Variants in ANKFY1 observed in about 807,000 individuals in gnomAD.
ANKFY1 encodes the protein ankyrin repeat and FYVE domain containing 1, also known as ankyrin repeat and FYVE domain-containing protein 1.
ANKFY1 carries 47 observed loss-of-function variants against 128.3 expected under a neutral mutation model. That is an observed-to-expected ratio of 0.37 (90% CI 0.29 to 0.47). The LOEUF (loss-of-function observed/expected upper bound fraction) is 0.47, where lower values mean the gene tolerates loss of function less well. ANKFY1 is among the 20% of genes least tolerant of loss of function. The probability of loss-of-function intolerance (pLI) is 1.00; values close to 1 mark genes in which losing one functional copy is unlikely to be tolerated. For synonymous variants in ANKFY1, 553 were observed against 601.6 expected, an observed-to-expected ratio of 0.92 and a Z score of 1.18; for missense variants, 1,222 against 1,510.6, an observed-to-expected ratio of 0.81 and a Z score of 3.17.
Position 4,166,866 on chromosome 17 carries a change from G to A in ANKFY1, c.*913C>T, listed in dbSNP as rs566508656. 9 of 152,564 alleles carry A rather than the reference G, an allele frequency of 5.9e-5. No individual in the cohort carries two copies. The highest frequency in any genetic ancestry group is 9.6e-5 in the African/African-American group (4 of 41,584). The allele number at this position is 152,564 out of a possible 1,614,324, so 9.5% of individuals were successfully genotyped here. On this transcript the variant is annotated 3_prime_UTR_variant, in exon 25 of 25. Coordinates refer to ENST00000341657, the MANE Select transcript of ANKFY1 (RefSeq NM_001330063.2). ...CTGTAGAGTTTTTCCTTGGAGATTC[G>A]TGTGAGCTGAGGTCCAGTCAAAGCT...
rs77246175 is a variant in ANKFY1 at position 4,169,467 on chromosome 17, G to C, written c.3287-179C>G. ...GGCCAGCTTCCCAGAGGAGACTGGA[G>C]AATCAGCCCTTGCCCGGGAGACTTG... On this transcript the variant is annotated intron_variant, in intron 23 of 24. Transcript: ENST00000341657. This position sits in a 1 kb window ranked among gnomAD's most constrained non-coding sequence, Gnocchi z 5.0. Among the ~76,000 whole-genome samples the C allele has an allele frequency of 0.057, 8,719 of 152,298 alleles. 373 individuals are homozygous for C. The highest frequency in any genetic ancestry group is 0.12 in the South Asian group (591 of 4,824).
intron 1 of ANKFY1, among the ~76,000 whole-genome samples, chr17:4,251,743 A>C (rs188594259): frequency 6.4e-4 from 98 of 152,224 alleles, no homozygotes; most frequent in Non-Finnish European, 1.0e-3. Context: ...AATATGTGCA[A>C]AACATCCAAC....
At chr17:4,207,153 G>T (rs550103841) in intron 6 of ANKFY1, among the ~76,000 whole-genome samples, 1 of 151,918 alleles carries the variant, frequency 6.6e-6, no homozygotes, top group Non-Finnish European at 1.5e-5. Flanking sequence ...CAGAGGGCCC[G>T]ACCCGTCTAA....
chr17:4,184,692 G>T, intron 12 of ANKFY1, 126 bp downstream of exon 12: 1 of 1,047,826 alleles, frequency 9.5e-7, no homozygotes, highest in Non-Finnish European at 1.4e-6. Context: ...GACCTGAAAG[G>T]ATTTTTTGGG....
At chr17:4,194,901 G>T in intron 10 of ANKFY1, 77 bp downstream of exon 10, 1 of 1,373,730 alleles carries the variant, frequency 7.3e-7, no homozygotes, top group Non-Finnish European at 1.0e-6. Context: ...TTCTAAATTT[G>T]GGGTGAAGGC....
intron 8 of ANKFY1, among the ~76,000 whole-genome samples, chr17:4,196,102 C>A (rs1367891904): frequency 3.2e-5 from 4 of 124,076 alleles, no homozygotes; most frequent in Admixed American, 2.5e-4. Context: ...CACCTCCCCC[C>A]AAAAACACAC....
intron 9 of ANKFY1, 45 bp downstream of exon 9, chr17:4,195,358 C>A (rs1482489855): frequency 6.3e-7 from 1 of 1,577,512 alleles, no homozygotes; most frequent in African/African-American, 1.4e-5. Flanking sequence ...ACTCACAATC[C>A]CCCCTCACAA....
chr17:4,263,660 C>G, intron 1 of ANKFY1: 1 of 1,534,238 alleles, frequency 6.5e-7, no homozygotes, highest in South Asian at 1.2e-5. Flanking sequence ...GGCCCCGCGG[C>G]TGCACGCAGC....
Position 4,182,257 on chromosome 17 carries a change from G to A in ANKFY1, c.2045C>T (p.Ser682Phe). The part of the protein sequence containing the change: ...DAICTRGADM[S>F]VPDEKGNPPL... ...GGGGTTCCCCTTCTCATCTGGCACA[G>A]ACATGTCAGCTCCTCGGGTGCATAT... The change falls in exon 15 of 25, where the codon TCT (serine) becomes TTT (phenylalanine). Residue 682 changes from serine (S) to phenylalanine (F), a missense_variant. Transcript: ENST00000341657. 6.3e-7 allele frequency: 1 copy of A among 1,594,282 alleles called. No homozygotes were observed. The highest frequency in any genetic ancestry group is 1.2e-5 in the South Asian group (1 of 85,744).
rs1455786758 is a variant in ANKFY1 at position 4,208,003 on chromosome 17, G to A, written c.662C>T (p.Pro221Leu). The change falls in exon 6 of 25, where the codon CCG becomes CTG. Residue 221 changes from proline (P) to leucine (L), a missense_variant. Coordinates refer to ENST00000341657, the MANE Select transcript of ANKFY1 (RefSeq NM_001330063.2). ...CTCCACTTTGATGGCTTTATGTAGC[G>A]GGTACTCTGTCTTGGATTTGATCAT... Reference protein sequence around the residue: ...YKMIKSKTEYPLHKAIKVERE... With the variant: ...YKMIKSKTEYLLHKAIKVERE... The A allele has an allele frequency of 8.1e-6, 13 of 1,611,336 alleles. No homozygotes were observed. The highest frequency in any genetic ancestry group is 1.1e-5 in the Non-Finnish European group (13 of 1,178,926).
At chr17:4,174,294 C>T (rs1251622684) in intron 19 of ANKFY1, among the ~76,000 whole-genome samples, 1 of 152,176 alleles carries the variant, frequency 6.6e-6, no homozygotes, top group African/African-American at 2.4e-5. Context: ...CCTTGGGATG[C>T]AGAAACTCTA....
rs753348055 is a variant in ANKFY1 at position 4,178,827 on chromosome 17, T to C, written c.2598+30A>G. 5 of 1,608,134 alleles carry C rather than the reference T, an allele frequency of 3.1e-6. No individual in the cohort carries two copies. The highest frequency in any genetic ancestry group is 2.7e-5 in the African/African-American group (2 of 74,826). ...CCAGGTTCCGCGACGCCCAGGACCATGTGGAGAAGGTCAGGTGTTATTCAC... is the reference window on the plus strand; with the variant it reads ...CCAGGTTCCGCGACGCCCAGGACCACGTGGAGAAGGTCAGGTGTTATTCAC... On this transcript the variant is annotated intron_variant, in intron 18 of 24. Coordinates refer to ENST00000341657, the MANE Select transcript of ANKFY1 (RefSeq NM_001330063.2). This position sits in a 1 kb window ranked among gnomAD's most constrained non-coding sequence, Gnocchi z 4.1.
At chr17:4,258,251 C>T (rs571264494) in intron 1 of ANKFY1, among the ~76,000 whole-genome samples, 5 of 152,228 alleles carry the variant, frequency 3.3e-5, no homozygotes, top group African/African-American at 4.8e-5. Flanking sequence ...TAGGGCCGGG[C>T]GCGGTGGCTC....
In ANKFY1 at chr17:4,164,021, G is replaced by A. The variant is rs1043592; in HGVS notation, c.*3758C>T. The A allele has an allele frequency of 0.076, 11,638 of 152,704 alleles. 598 individuals are homozygous for A. Among genetic ancestry groups the A allele is most frequent in the South Asian group, 0.25 (1,194 of 4,822 alleles). 9.5% of individuals were successfully genotyped at this position (152,704 alleles called of 1,614,324 possible). A position where few individuals can be genotyped will look rare whatever the true frequency, so the allele number is the denominator to read the frequency against. Reference sequence around the variant, plus strand: ...AAGAAACAATGCTGATAAGCGCCGTGGTCCTCTATGATACCATCACCCCAC... The same window carrying A: ...AAGAAACAATGCTGATAAGCGCCGTAGTCCTCTATGATACCATCACCCCAC... On this transcript the variant is annotated 3_prime_UTR_variant, in exon 25 of 25. Transcript: ENST00000341657.
chr17:4,170,822 C>A lies in ANKFY1; in HGVS notation c.3179G>T (p.Cys1060Phe). The change falls in exon 23 of 25, where the codon TGC becomes TTC. Residue 1060 changes from cysteine to phenylalanine, a missense_variant. Coordinates refer to ENST00000341657, the MANE Select transcript of ANKFY1 (RefSeq NM_001330063.2). ...LAYMKGNANL[C>F]RAIVRSGARL... ...AGCCCCCGACCGGACGATGGCGCGG[C>A]ACAAGTTGGCGTTCCCTTTCATGTA... The A allele has an allele frequency of 6.2e-7, 1 of 1,614,202 alleles. No individual in the cohort carries two copies. The highest frequency in any genetic ancestry group is 1.7e-5 in the Admixed American group (1 of 60,024).
At chr17:4,196,789 A>T (rs1236389844) in intron 8 of ANKFY1, among the ~76,000 whole-genome samples, 3 of 152,218 alleles carry the variant, frequency 2.0e-5, no homozygotes, top group African/African-American at 7.2e-5. Flanking sequence ...GAGGCACTGG[A>T]CTAGATGACC....
At chr17:4,192,991 T>C (rs2059745244) in intron 10 of ANKFY1, among the ~76,000 whole-genome samples, 1 of 152,082 alleles carries the variant, frequency 6.6e-6, no homozygotes, top group Non-Finnish European at 1.5e-5. Flanking sequence ...ATTAAAACTA[T>C]ATAATATAAA....
intron 5 of ANKFY1, among the ~76,000 whole-genome samples, chr17:4,209,352 G>A (rs1370423354): frequency 6.6e-6 from 1 of 152,200 alleles, no homozygotes; most frequent in Non-Finnish European, 1.5e-5. Flanking sequence ...CCAGGCTGGA[G>A]TGCAGTGGCG....
intron 3 of ANKFY1, chr17:4,222,854 C>T (rs2060350343): frequency 4.2e-6 from 4 of 959,364 alleles, no homozygotes; most frequent in South Asian, 2.6e-5. Context: ...AGCCATCCAC[C>T]CAGACGACTC....
Sources: gnomAD v4.1 joint callset for allele counts (sites outside exome capture counted in the v4.1 genomes callset) on GRCh38, gnomAD v4.1.1 for gene constraint, Gnocchi (gnomAD v3.1) non-coding constraint, MANE v1.5 for transcripts, NCBI Gene and HGNC (gene_info 2026-07-23, HGNC 2026-07-21) for gene names.